Variants in MAP4K3 observed in about 807,000 individuals in gnomAD.
MAP4K3 encodes MAPK/ERK kinase kinase kinase 3.
In MAP4K3, 94 loss-of-function variants were observed where a neutral mutation model predicts 143.5. The ratio of observed to expected loss-of-function variants is 0.65; its 90% CI spans 0.55 to 0.78. The LOEUF (loss-of-function observed/expected upper bound fraction) is 0.78, where lower values mean the gene tolerates loss of function less well. Ranked by LOEUF, MAP4K3 falls within the 30% of genes least tolerant of loss-of-function variation. The probability of loss-of-function intolerance (pLI) is 0.00; values close to 1 mark genes in which losing one functional copy is unlikely to be tolerated. For synonymous variants in MAP4K3, 416 were observed against 347.2 expected (o/e 1.20, Z -2.20); for missense variants, 1,077 against 1,068.1 (o/e 1.01, Z -0.12).
intron 33 of MAP4K3, among the ~76,000 whole-genome samples, chr2:39,251,167 C>T (rs1680144485): frequency 1.3e-5 from 2 of 152,284 alleles, no homozygotes; most frequent in South Asian, 4.1e-4. Flanking sequence ...CCCTGACTAG[C>T]TGTCCCTGCA....
At chr2:39,272,194 C>T in intron 26 of MAP4K3, 89 bp downstream of exon 26, 4 of 982,746 alleles carry the variant, frequency 4.1e-6, no homozygotes, top group Non-Finnish European at 4.7e-6. Context: ...TTTATTAACC[C>T]AAACTGAGTG....
Position 39,325,820 on chromosome 2 carries a change from T to C in MAP4K3, c.726-9A>G, listed in dbSNP as rs748078301. 2.5e-6 allele frequency: 4 copies of C among 1,592,364 alleles called. No individual in the cohort carries two copies. The highest frequency in any genetic ancestry group is 2.6e-6 in the Non-Finnish European group (3 of 1,169,964). On this transcript the variant is annotated splice_polypyrimidine_tract_variant and intron_variant, in intron 10 of 33. Coordinates refer to ENST00000263881, the MANE Select transcript of MAP4K3 (RefSeq NM_003618.4). Reference sequence around the variant, plus strand: ...GATGAAAACTATTTGACCTAAGAAATTTAGAAAATTAGACTTTTACATTCC... The same window carrying C: ...GATGAAAACTATTTGACCTAAGAAACTTAGAAAATTAGACTTTTACATTCC...
chr2:39,262,754 A>G (rs1680617787), intron 28 of MAP4K3, among the ~76,000 whole-genome samples: 1 of 152,164 alleles, frequency 6.6e-6, no homozygotes. Flanking sequence ...CTTGCCTGCA[A>G]TAGGTACATC....
chr2:39,355,883 A>G (rs893480190), intron 3 of MAP4K3, among the ~76,000 whole-genome samples: 1 of 152,248 alleles, frequency 6.6e-6, no homozygotes, highest in Admixed American at 6.5e-5. Flanking sequence ...AAATTAAAAA[A>G]AAGTTTTTGA....
intron 2 of MAP4K3, among the ~76,000 whole-genome samples, chr2:39,370,362 A>G (rs1666047217): frequency 6.6e-6 from 1 of 152,216 alleles, no homozygotes. Flanking sequence ...CTGAATAAGC[A>G]CATGGTGGCA....
intron 2 of MAP4K3, among the ~76,000 whole-genome samples, chr2:39,361,724 A>C (rs982232879): frequency 6.6e-6 from 1 of 150,950 alleles, no homozygotes; most frequent in African/African-American, 2.4e-5. Flanking sequence ...TTAAATATTT[A>C]ATTTAATATT....
intron 21 of MAP4K3, among the ~76,000 whole-genome samples, chr2:39,284,813 T>C (rs145743874): frequency 0.052 from 7,827 of 151,740 alleles, 352 homozygotes; most frequent in African/African-American, 0.12. Flanking sequence ...CACTGCACTC[T>C]GGCCTGGGCG....
At chr2:39,254,943 G>A (rs142858834) in intron 31 of MAP4K3, among the ~76,000 whole-genome samples, 4 of 152,122 alleles carry the variant, frequency 2.6e-5, no homozygotes, top group Non-Finnish European at 5.9e-5. Flanking sequence ...AAATATACGT[G>A]TATCCACCAC....
chr2:39,344,720 T>C (rs1051708797), intron 3 of MAP4K3, among the ~76,000 whole-genome samples: 1 of 152,110 alleles, frequency 6.6e-6, no homozygotes, highest in African/African-American at 2.4e-5. Flanking sequence ...GGAAAATGAA[T>C]GGAAAGTTTT....
intron 12 of MAP4K3, among the ~76,000 whole-genome samples, chr2:39,317,310 T>C (rs370495430): frequency 2.6e-5 from 4 of 152,040 alleles, no homozygotes; most frequent in East Asian, 1.9e-4. Context: ...ATAAAGACCC[T>C]TGAAGAAAAC....
intron 1 of MAP4K3, among the ~76,000 whole-genome samples, chr2:39,412,659 A>C (rs1667263748): frequency 6.6e-6 from 1 of 152,240 alleles, no homozygotes; most frequent in South Asian, 2.1e-4. Context: ...AATGAAGAAC[A>C]GGAACAAATA....
intron 13 of MAP4K3, 134 bp downstream of exon 13, chr2:39,315,176 C>T: frequency 1.8e-6 from 1 of 544,788 alleles, no homozygotes; most frequent in Non-Finnish European, 3.1e-6. Context: ...TTCTTACTGC[C>T]CTAATTAAAC....
At chr2:39,311,699 G>C (rs1325975457) in intron 13 of MAP4K3, among the ~76,000 whole-genome samples, 2 of 152,180 alleles carry the variant, frequency 1.3e-5, no homozygotes, top group African/African-American at 4.8e-5. Flanking sequence ...AATGAGCTTG[G>C]AAGTAAATCT....
rs556033374 is a variant in MAP4K3 at position 39,430,540 on chromosome 2, A to C, written c.96+6352T>G. The stretch of plus-strand genomic sequence containing the variant: ...ATGAAAAAATAAATAAAAATTAAAA[A>C]AGAAACATGATTTCATCTCTTGAAT... On this transcript the variant is annotated intron_variant, in intron 1 of 33. Coordinates refer to ENST00000263881, the MANE Select transcript of MAP4K3 (RefSeq NM_003618.4). 3.3e-5 allele frequency among the ~76,000 whole-genome samples: 5 copies of C among 152,312 alleles called. No homozygotes were observed. In the South Asian group the frequency reaches 1.0e-3, roughly 32 times the overall value.
intron 13 of MAP4K3, 150 bp from the exon 14 acceptor site, chr2:39,309,669 T>C: frequency 1.9e-6 from 1 of 515,162 alleles, no homozygotes; most frequent in Non-Finnish European, 3.3e-6. Flanking sequence ...ACCATTTCCC[T>C]GCCTCAGCCT....
chr2:39,335,876 C>T (rs1440879552), intron 6 of MAP4K3, among the ~76,000 whole-genome samples: 1 of 152,126 alleles, frequency 6.6e-6, no homozygotes, highest in Non-Finnish European at 1.5e-5. Flanking sequence ...GAAGACAGTT[C>T]ATAGTTTATC....
chr2:39,374,295 G>A (rs954999198), intron 2 of MAP4K3, among the ~76,000 whole-genome samples: 4 of 152,094 alleles, frequency 2.6e-5, no homozygotes, highest in Admixed American at 6.6e-5. Flanking sequence ...CTTGAACCCG[G>A]AGGCGGAGGT....
chr2:39,293,366 G>A, intron 16 of MAP4K3, 98 bp from the exon 17 acceptor site: 1 of 799,614 alleles, frequency 1.3e-6, no homozygotes, highest in East Asian at 2.8e-5. Context: ...TACATTTTTT[G>A]AATGATTACT....
chr2:39,310,632 T>A (rs1009007944), intron 13 of MAP4K3, among the ~76,000 whole-genome samples: 2 of 152,192 alleles, frequency 1.3e-5, no homozygotes, highest in African/African-American at 4.8e-5. Context: ...CATATGGTAG[T>A]TCTATTTTTA....
Sources: gnomAD v4.1 joint callset for allele counts (sites outside exome capture counted in the v4.1 genomes callset) on GRCh38, gnomAD v4.1.1 for gene constraint, MANE v1.5 for transcripts, NCBI Gene and HGNC (gene_info 2026-07-23, HGNC 2026-07-21) for gene names.